The following RGS7 variants were observed in gnomAD, a reference collection of about 807,000 sequenced individuals.
RGS7 encodes regulator of G-protein signaling 7.
In RGS7, 27 loss-of-function variants were observed where a neutral mutation model predicts 81.1. The observed-to-expected ratio is 0.33, with a 90% confidence interval of 0.25 to 0.46. The LOEUF is 0.46. Among genes scored for constraint, RGS7 ranks in the 20% least tolerant of loss-of-function variants. RGS7 has a pLI of 1.00. For synonymous variants in RGS7, 208 were observed against 207.7 expected, an observed-to-expected ratio of 1.00 and a Z score of -0.01; for missense variants, 396 against 607.4, an observed-to-expected ratio of 0.65 and a Z score of 3.66.
intron 3 of RGS7, among the ~76,000 whole-genome samples, chr1:241,081,087 C>A (rs534868030): frequency 1.3e-5 from 2 of 152,298 alleles, no homozygotes; most frequent in African/African-American, 2.4e-5. Flanking sequence ...CTATCCGTGA[C>A]CCTTGGGTCC....
At chr1:240,778,965 G>T (rs1228976124) in intron 18 of RGS7, among the ~76,000 whole-genome samples, 1 of 105,718 alleles carries the variant, frequency 9.5e-6, no homozygotes, top group Admixed American at 8.0e-5. Context: ...ACTCCTGCCT[G>T]CTCTGGTCTG....
rs73131676 is a variant in RGS7 at position 241,192,965 on chromosome 1, T to C, written c.79-94203A>G. Among the ~76,000 whole-genome samples, 302 of 152,290 alleles carry C rather than the reference T, an allele frequency of 2.0e-3. 2 individuals are homozygous for C. Among genetic ancestry groups the C allele is most frequent in the Middle Eastern group, 6.8e-3 (2 of 294 alleles). ...CTAAACACAATGGAGAAAATTAAGG[T>C]ACAAAGGCATAGCCTCTTTCAGAAA... On this transcript the variant is annotated intron_variant, in intron 2 of 18. Coordinates refer to ENST00000440928, the MANE Select transcript of RGS7 (RefSeq NM_001364886.1).
At chr1:240,997,828 A>G (rs1047604361) in intron 3 of RGS7, among the ~76,000 whole-genome samples, 3 of 152,226 alleles carry the variant, frequency 2.0e-5, no homozygotes, top group African/African-American at 7.2e-5. Context: ...TGTCTCAGGA[A>G]AAAACAAAAT....
chr1:240,869,027 C>G (rs1664002756), intron 7 of RGS7, among the ~76,000 whole-genome samples, 175 bp from the exon 8 acceptor site: 2 of 152,060 alleles, frequency 1.3e-5, no homozygotes, highest in South Asian at 4.1e-4. Context: ...TTCATATTGG[C>G]AGTCTTAAAG....
At chr1:240,878,753 C>T (rs1665896621) in intron 6 of RGS7, among the ~76,000 whole-genome samples, 1 of 152,010 alleles carries the variant, frequency 6.6e-6, no homozygotes, top group Non-Finnish European at 1.5e-5. Flanking sequence ...ATCAACAGTA[C>T]ATGGTCTGCA....
Position 240,814,770 on chromosome 1 carries a change from T to C in RGS7, c.791A>G (p.Tyr264Cys). The change falls in exon 12 of 19, where the codon TAT (tyrosine) becomes TGT (cysteine). Residue 264 changes from tyrosine to cysteine, a missense_variant. Tyr to Cys is a radical substitution (Grantham distance 194, BLOSUM62 -2). Coordinates refer to ENST00000440928, the MANE Select transcript of RGS7 (RefSeq NM_001364886.1). ...TEDELQQQIKYWQIQLDRHRL... is the reference protein window; with the variant it reads ...TEDELQQQIKCWQIQLDRHRL... ...ATGTCTATCTAACTGTATTTGCCAA[T>C]ATTTTATCTGAAAAGAGGGTTAGAG... is the stretch of plus-strand genomic sequence containing the variant. 1 of 1,590,382 alleles carries C rather than the reference T, an allele frequency of 6.3e-7. No homozygotes were observed. The highest frequency in any genetic ancestry group is 8.6e-7 in the Non-Finnish European group (1 of 1,158,830).
intron 2 of RGS7, among the ~76,000 whole-genome samples, chr1:241,300,760 C>T (rs1408909612): frequency 6.6e-6 from 1 of 152,192 alleles, no homozygotes; most frequent in Non-Finnish European, 1.5e-5. Flanking sequence ...GTTTCCAGCT[C>T]ATGTGGGTTA....
At chr1:240,874,367 C>T (rs920644495) in intron 6 of RGS7, among the ~76,000 whole-genome samples, 2 of 152,004 alleles carry the variant, frequency 1.3e-5, no homozygotes, top group East Asian at 3.9e-4. Context: ...TGACTCTCAC[C>T]AAGAACCATG....
rs2069859424 is a variant in RGS7 at position 241,163,033 on chromosome 1, T to A, written c.79-64271A>T. On this transcript the variant is annotated intron_variant, in intron 2 of 18. Coordinates refer to ENST00000440928, the MANE Select transcript of RGS7 (RefSeq NM_001364886.1). The surrounding 1 kb of genome is among the most constrained non-coding windows in gnomAD (Gnocchi z 4.6). ...ATGGGAGTTAAATTGTTTTGGAATT[T>A]GCCACTACATAAACTATATAATAGG... Among the ~76,000 whole-genome samples the A allele has an allele frequency of 6.6e-6, 1 of 152,200 alleles. No individual in the cohort carries two copies. The highest frequency in any genetic ancestry group is 2.1e-4 in the South Asian group (1 of 4,832).
At position 240,802,578 on chromosome 1, in the gene RGS7, C is replaced by T. The variant is rs115783616; in HGVS notation, c.1359+326G>A. Among the ~76,000 whole-genome samples the T allele has an allele frequency of 6.3e-3, 960 of 152,194 alleles. 4 individuals carry two copies. The highest frequency in any genetic ancestry group is 0.022 in the African/African-American group (919 of 41,554). Reference sequence around the variant, plus strand: ...TCTCTTCAAGTTTTTGACCTAATGACTTTGTTACTTTCTTTTCTTTATTGT... The same window carrying T: ...TCTCTTCAAGTTTTTGACCTAATGATTTTGTTACTTTCTTTTCTTTATTGT... On this transcript the variant is annotated intron_variant, in intron 16 of 18. Transcript: ENST00000440928.
At chr1:241,178,759 C>A (rs896144498) in intron 2 of RGS7, among the ~76,000 whole-genome samples, 2 of 152,110 alleles carry the variant, frequency 1.3e-5, no homozygotes, top group Non-Finnish European at 2.9e-5. Context: ...AGGTTTGATA[C>A]GATACCAGAA....
intron 3 of RGS7, among the ~76,000 whole-genome samples, chr1:241,063,108 T>C (rs987329355): frequency 1.3e-5 from 2 of 152,234 alleles, no homozygotes; most frequent in African/African-American, 2.4e-5. Context: ...CTTTGTTTGG[T>C]TGCAGAAAAT....
At chr1:240,839,558 C>T (rs1372871565) in intron 9 of RGS7, among the ~76,000 whole-genome samples, 1 of 152,158 alleles carries the variant, frequency 6.6e-6, no homozygotes, top group Middle Eastern at 3.4e-3. Flanking sequence ...AAGTAGATGA[C>T]ATCAAACATT....
At chr1:241,059,175 T>C (rs763583404) in intron 3 of RGS7, among the ~76,000 whole-genome samples, 3 of 151,996 alleles carry the variant, frequency 2.0e-5, no homozygotes, top group Non-Finnish European at 4.4e-5. Context: ...CTGCTTTCCT[T>C]ACCTAGATCT....
intron 3 of RGS7, among the ~76,000 whole-genome samples, chr1:241,067,005 A>C (rs2062102481): frequency 6.6e-6 from 1 of 152,176 alleles, no homozygotes; most frequent in African/African-American, 2.4e-5. Context: ...GGGAGGTTTG[A>C]ATTTTCCAAA....
rs1572003377 is a variant in RGS7 at position 240,960,221 on chromosome 1, T to TC, written c.226+22857_226+22858insG. 6.2e-5 allele frequency among the ~76,000 whole-genome samples: 7 copies of TC among 113,126 alleles called. No individual in the cohort carries two copies. The East Asian group carries it at 1.8e-3, about 29-fold the overall frequency. The allele number at this position is 113,126 out of a possible 152,430, so 74.2% of individuals were successfully genotyped here. ...CTTCTTCTTCCTCTTCTTCTTCTTT[T>TC]TTTTTTTTTTTTTGTTGTTGTTGTT... On this transcript the variant is annotated intron_variant, in intron 4 of 18. Coordinates refer to ENST00000440928, the MANE Select transcript of RGS7 (RefSeq NM_001364886.1).
intron 2 of RGS7, among the ~76,000 whole-genome samples, chr1:241,146,357 C>A (rs930147485): frequency 6.6e-6 from 1 of 152,154 alleles, no homozygotes; most frequent in African/African-American, 2.4e-5. Flanking sequence ...TACACAATGG[C>A]AAATCCTATG....
At chr1:241,295,771 G>C (rs2079388212) in intron 2 of RGS7, among the ~76,000 whole-genome samples, 1 of 152,208 alleles carries the variant, frequency 6.6e-6, no homozygotes, top group African/African-American at 2.4e-5. Flanking sequence ...TTAGAGGTGA[G>C]TGGCTATTGT....
At chr1:240,845,947 A>G (rs1453579270) in intron 9 of RGS7, among the ~76,000 whole-genome samples, 1 of 152,188 alleles carries the variant, frequency 6.6e-6, no homozygotes, top group African/African-American at 2.4e-5. Flanking sequence ...GGTTGGTTCA[A>G]ATATTGGAGC....
Sources: allele counts gnomAD v4.1 joint callset (sites outside exome capture counted in the v4.1 genomes callset), GRCh38; gene constraint gnomAD v4.1.1; non-coding constraint Gnocchi (gnomAD v3.1); transcripts MANE v1.5; gene names NCBI Gene and HGNC (gene_info 2026-07-23, HGNC 2026-07-21).